TMEM260: variants seen among roughly 807,000 people sequenced by gnomAD.
The protein encoded by TMEM260 is protein O-mannosyl-transferase TMEM260.
In TMEM260, 82 loss-of-function variants were observed where a neutral mutation model predicts 88.9. The observed-to-expected ratio is 0.92, with a 90% CI of 0.77 to 1.11. TMEM260 has a LOEUF of 1.11. Ranked by LOEUF, TMEM260 falls within the 50% of genes least tolerant of loss-of-function variation. The pLI, the probability that TMEM260 is intolerant of heterozygous loss-of-function variation, is 0.00. For missense variants in TMEM260, 902 were observed against 853.4 expected, an observed-to-expected ratio of 1.06 and a Z score of -0.71; for synonymous variants, 314 against 309.3, an observed-to-expected ratio of 1.02 and a Z score of -0.16.
chr14:56,605,122 C>A (rs530375873), intron 4 of TMEM260, among the ~76,000 whole-genome samples: 2 of 152,034 alleles, frequency 1.3e-5, no homozygotes, highest in African/African-American at 2.4e-5. Flanking sequence ...AGAATCTTTG[C>A]CAGTTATGAA....
downstream of TMEM260, among the ~76,000 whole-genome samples, chr14:56,655,322 G>A (rs551129699): frequency 5.9e-4 from 89 of 151,758 alleles, no homozygotes; most frequent in African/African-American, 2.0e-3. Flanking sequence ...CCCGGGAGGC[G>A]GAGGCTGCAG....
chr14:56,601,795 G>A (rs1886591660), intron 3 of TMEM260, among the ~76,000 whole-genome samples: 1 of 152,064 alleles, frequency 6.6e-6, no homozygotes. Context: ...AATTATCCCA[G>A]ATTTGCCCAG....
intron 12 of TMEM260, among the ~76,000 whole-genome samples, chr14:56,630,696 T>A (rs1888536026): frequency 6.6e-6 from 1 of 152,228 alleles, no homozygotes. Context: ...ATCTATTGAT[T>A]GTTTTTTCCC....
the TMEM260 span, among the ~76,000 whole-genome samples, chr14:56,661,129 G>A: frequency 6.6e-6 from 1 of 152,204 alleles, no homozygotes; most frequent in Non-Finnish European, 1.5e-5. Context: ...TCAGGTGGCT[G>A]CAGGAGGCAA....
chr14:56,605,991 AAAC>A (rs1412045298), intron 5 of TMEM260, among the ~76,000 whole-genome samples: 2 of 152,178 alleles, frequency 1.3e-5, no homozygotes, highest in Non-Finnish European at 2.9e-5. Flanking sequence ...ATACATTCTA[AAAC>A]ACAGAGTGGT....
the TMEM260 span, among the ~76,000 whole-genome samples, chr14:56,659,278 G>A: frequency 7.7e-6 from 1 of 130,050 alleles, no homozygotes; most frequent in African/African-American, 3.0e-5. Context: ...TTTTTTTTTA[G>A]TTTTAAAAGC....
chr14:56,627,315 CAG>C (rs1290564541), intron 12 of TMEM260, among the ~76,000 whole-genome samples: 3 of 152,048 alleles, frequency 2.0e-5, no homozygotes, highest in Non-Finnish European at 4.4e-5. Context: ...CCTATTCACT[CAG>C]AAACAACACA....
At chr14:56,606,359 G>A (rs1426510854) in intron 5 of TMEM260, among the ~76,000 whole-genome samples, 1 of 146,352 alleles carries the variant, frequency 6.8e-6, no homozygotes, top group African/African-American at 2.5e-5. Flanking sequence ...TTGTTTGTTT[G>A]TGTACAAACT....
At chr14:56,657,077 C>G in the TMEM260 span, among the ~76,000 whole-genome samples, 1 of 152,054 alleles carries the variant, frequency 6.6e-6, no homozygotes, top group Non-Finnish European at 1.5e-5. Flanking sequence ...GTCTATTGTC[C>G]CCTGCATTCT....
intron 13 of TMEM260, among the ~76,000 whole-genome samples, chr14:56,634,297 C>G (rs1162705805): frequency 6.6e-6 from 1 of 152,166 alleles, no homozygotes; most frequent in Non-Finnish European, 1.5e-5. Flanking sequence ...CTGTTGCCAT[C>G]TAACATATAG....
the TMEM260 span, among the ~76,000 whole-genome samples, chr14:56,659,253 TGG>T: frequency 7.4e-6 from 1 of 135,428 alleles, no homozygotes; most frequent in South Asian, 2.4e-4. Flanking sequence ...TTTTGTTTTT[TGG>T]TTTTTGTTTT....
intron 5 of TMEM260, among the ~76,000 whole-genome samples, chr14:56,606,819 C>T (rs528184994): frequency 7.2e-5 from 11 of 152,226 alleles, no homozygotes; most frequent in African/African-American, 2.2e-4. Context: ...CGCTTGAACC[C>T]GAGAGGAGGA....
chr14:56,610,350 G>A (rs1352952212), intron 6 of TMEM260, among the ~76,000 whole-genome samples: 1 of 151,892 alleles, frequency 6.6e-6, no homozygotes, highest in African/African-American at 2.4e-5. Context: ...ACGCCATTCT[G>A]CTGCCTCAGC....
chr14:56,603,336 A>G (rs887447466), intron 3 of TMEM260, among the ~76,000 whole-genome samples: 22 of 152,348 alleles, frequency 1.4e-4, no homozygotes, highest in African/African-American at 5.0e-4. Context: ...ATTCTTTGCC[A>G]TATGCTGAGA....
chr14:56,580,149 C>T, intron 1 of TMEM260, 75 bp downstream of exon 1: 1 of 1,194,866 alleles, frequency 8.4e-7, no homozygotes, highest in East Asian at 3.2e-5. Context: ...CGTCTGGCCC[C>T]TGCTCTTGGC....
chr14:56,613,150 C>T (rs980157180), intron 7 of TMEM260: 1 of 152,040 alleles, frequency 6.6e-6, no homozygotes, highest in African/African-American at 2.4e-5. Flanking sequence ...GATATCCATA[C>T]CAACTTGATA....
chr14:56,647,581 G>A lies in TMEM260; in HGVS notation c.*84G>A. Reference sequence around the variant, plus strand: ...AGTTTTTCCTTCAAGAAAAGAAACTGCATAAAAAATTTAAAACTAAGTCAT... The same window carrying A: ...AGTTTTTCCTTCAAGAAAAGAAACTACATAAAAAATTTAAAACTAAGTCAT... On this transcript the variant is annotated 3_prime_UTR_variant, in exon 16 of 16. Transcript: ENST00000261556. The A allele has an allele frequency of 6.9e-7, 1 of 1,452,068 alleles. No individual in the cohort carries two copies. Among genetic ancestry groups the A allele is most frequent in the African/African-American group, 1.4e-5 (1 of 70,534 alleles). The allele number at this position is 1,452,068 out of a possible 1,614,324, so 89.9% of individuals were successfully genotyped here. A position where few individuals can be genotyped will look rare whatever the true frequency, so the allele number is the denominator to read the frequency against.
chr14:56,591,153 G>C (rs1044178537), intron 3 of TMEM260, among the ~76,000 whole-genome samples: 3 of 152,134 alleles, frequency 2.0e-5, no homozygotes, highest in African/African-American at 7.2e-5. Flanking sequence ...GTTTCCTGCC[G>C]AGATTTTGCC....
chr14:56,590,402 G>A (rs1472437928), intron 3 of TMEM260, among the ~76,000 whole-genome samples: 6 of 152,196 alleles, frequency 3.9e-5, no homozygotes, highest in African/African-American at 1.4e-4. Context: ...TCCTGTTCAT[G>A]GGTTAATTGC....
Sources: gnomAD v4.1 joint callset for allele counts (sites outside exome capture counted in the v4.1 genomes callset) on GRCh38, gnomAD v4.1.1 for gene constraint, MANE v1.5 for transcripts, NCBI Gene and HGNC (gene_info 2026-07-23, HGNC 2026-07-21) for gene names.